Variants in SDK1 observed in about 807,000 individuals in gnomAD.
SDK1 encodes the protein sidekick cell adhesion molecule 1, also known as protein sidekick-1.
SDK1 carries 157 observed loss-of-function variants against 245.5 expected under a neutral mutation model. That is an observed-to-expected ratio of 0.64 (90% CI 0.56 to 0.73). The LOEUF is 0.73. Among genes scored for constraint, SDK1 ranks in the 30% least tolerant of loss-of-function variants. The pLI is 0.00. For missense variants in SDK1, 3,583 were observed against 3,002.3 expected, an observed-to-expected ratio of 1.19 and a Z score of -4.52; for synonymous variants, 1,647 against 1,278.5, an observed-to-expected ratio of 1.29 and a Z score of -6.15.
chr7:3,361,581 T>G (rs1780955389), intron 1 of SDK1, among the ~76,000 whole-genome samples: 1 of 152,184 alleles, frequency 6.6e-6, no homozygotes. Context: ...CCCTCCCTCG[T>G]TGGTTTATTT....
At chr7:3,790,459 A>C (rs2115022527) in intron 4 of SDK1, among the ~76,000 whole-genome samples, 1 of 152,264 alleles carries the variant, frequency 6.6e-6, no homozygotes, top group South Asian at 2.1e-4. Flanking sequence ...TTTGGAGCTG[A>C]GAAATCAGAA....
In SDK1 at chr7:4,077,804, A is replaced by T. The variant is rs10245923; in HGVS notation, c.3202+615A>T. 1.0e-3 allele frequency among the ~76,000 whole-genome samples: 152 copies of T among 152,272 alleles called. 2 individuals are homozygous for T. The highest frequency in any genetic ancestry group is 3.4e-3 in the African/African-American group (142 of 41,522). On this transcript the variant is annotated intron_variant, in intron 21 of 44. Coordinates refer to ENST00000404826, the MANE Select transcript of SDK1 (RefSeq NM_152744.4). ...CCCCATGATTCAGTTACCTCCCACC[A>T]GGTTCCTCTCATGACACATGGGAAA...
intron 1 of SDK1, among the ~76,000 whole-genome samples, chr7:3,347,565 T>G (rs1780542858): frequency 6.6e-6 from 1 of 152,182 alleles, no homozygotes; most frequent in Admixed American, 6.5e-5. Context: ...AACCTCCCTG[T>G]TTCATTTCTG....
chr7:3,745,258 C>G (rs1246545477), intron 4 of SDK1, among the ~76,000 whole-genome samples: 1 of 152,110 alleles, frequency 6.6e-6, no homozygotes, highest in African/African-American at 2.4e-5. Flanking sequence ...TATTTCAAAT[C>G]AAAATCATAA....
intron 4 of SDK1, among the ~76,000 whole-genome samples, chr7:3,713,465 G>A (rs781381833): frequency 1.4e-4 from 21 of 152,144 alleles, no homozygotes; most frequent in Non-Finnish European, 2.8e-4. Context: ...TGCTTCCCAC[G>A]GGAATGGCTT....
At chr7:3,557,827 A>G (rs1428039629) in intron 1 of SDK1, among the ~76,000 whole-genome samples, 1 of 152,166 alleles carries the variant, frequency 6.6e-6, no homozygotes, top group Non-Finnish European at 1.5e-5. Flanking sequence ...GACTCCAGAG[A>G]CCTTGTTCTC....
chr7:3,529,473 A>G (rs889347806), intron 1 of SDK1, among the ~76,000 whole-genome samples: 4 of 152,212 alleles, frequency 2.6e-5, no homozygotes, highest in Non-Finnish European at 5.9e-5. Flanking sequence ...CTCACTGGCC[A>G]AATTTTGGAC....
intron 1 of SDK1, among the ~76,000 whole-genome samples, chr7:3,482,244 A>G (rs1781543897): frequency 6.6e-6 from 1 of 152,206 alleles, no homozygotes; most frequent in African/African-American, 2.4e-5. Context: ...GTAAAAAACT[A>G]TTGAAAATGT....
chr7:4,205,243 G>C (rs1162258508), intron 35 of SDK1, among the ~76,000 whole-genome samples: 1 of 152,158 alleles, frequency 6.6e-6, no homozygotes, highest in Non-Finnish European at 1.5e-5. Flanking sequence ...CTGTGTATCT[G>C]GACGAACTTC....
intron 1 of SDK1, among the ~76,000 whole-genome samples, chr7:3,424,896 C>G (rs1023936845): frequency 1.3e-5 from 2 of 151,920 alleles, no homozygotes; most frequent in Admixed American, 6.6e-5. Flanking sequence ...GACCCTGTCT[C>G]AAAAAACAAA....
chr7:3,919,792 C>T (rs1327551175), intron 5 of SDK1, among the ~76,000 whole-genome samples: 2 of 152,134 alleles, frequency 1.3e-5, no homozygotes, highest in Non-Finnish European at 2.9e-5. Flanking sequence ...TGCTACATGT[C>T]AGAGGCTGCG....
chr7:4,082,837 T>C (rs1228676287), intron 22 of SDK1, among the ~76,000 whole-genome samples: 2 of 152,054 alleles, frequency 1.3e-5, no homozygotes, highest in African/African-American at 4.8e-5. Flanking sequence ...CCCAGGCTGG[T>C]CTCGAACTCC....
At chr7:3,801,692 G>A (rs557762033) in intron 4 of SDK1, among the ~76,000 whole-genome samples, 35 of 152,258 alleles carry the variant, frequency 2.3e-4, no homozygotes, top group Admixed American at 5.2e-4. Flanking sequence ...CTCCCAGCTT[G>A]CATCTCTGTC....
intron 1 of SDK1, among the ~76,000 whole-genome samples, chr7:3,432,228 A>G (rs973928622): frequency 5.3e-5 from 8 of 151,524 alleles, no homozygotes; most frequent in Non-Finnish European, 1.2e-4. Context: ...TAAGAATGAC[A>G]TTAGTGCCAA....
chr7:3,736,356 C>G (rs1037079816), intron 4 of SDK1, among the ~76,000 whole-genome samples: 1 of 152,130 alleles, frequency 6.6e-6, no homozygotes, highest in African/African-American at 2.4e-5. Flanking sequence ...TGCAGTGGCA[C>G]GTCTCGGCTC....
Position 3,833,775 on chromosome 7 carries a change from C to G in SDK1, c.847+12192C>G, listed in dbSNP as rs181631467. On this transcript the variant is annotated intron_variant, in intron 5 of 44. Transcript: ENST00000404826. ...AGGCAGTATTCTGAGTCTTTTGTTT[C>G]TTTGTTCATTTTACTTACAGTGTTT... Among the ~76,000 whole-genome samples, 139 of 152,280 alleles carry G rather than the reference C, an allele frequency of 9.1e-4. No individual in the cohort carries two copies. In the Middle Eastern group the frequency reaches 0.01, roughly 11 times the overall value.
intron 44 of SDK1, among the ~76,000 whole-genome samples, chr7:4,257,803 C>T (rs1371664300): frequency 6.6e-6 from 1 of 152,228 alleles, no homozygotes; most frequent in Non-Finnish European, 1.5e-5. Context: ...GCTTTCCTCC[C>T]CAGAACAAAG....
At chr7:4,229,629 A>G (rs1483235814) in intron 40 of SDK1, among the ~76,000 whole-genome samples, 1 of 152,162 alleles carries the variant, frequency 6.6e-6, no homozygotes, top group Non-Finnish European at 1.5e-5. Flanking sequence ...ATTAATGCAA[A>G]AGACATTCAG....
intron 1 of SDK1, among the ~76,000 whole-genome samples, chr7:3,500,689 T>A (rs934375014): frequency 6.6e-6 from 1 of 152,300 alleles, no homozygotes; most frequent in East Asian, 1.9e-4. Context: ...CAAATTTCTT[T>A]TATTTCTAAG....
Sources: gnomAD v4.1 joint callset for allele counts (sites outside exome capture counted in the v4.1 genomes callset) on GRCh38, gnomAD v4.1.1 for gene constraint, MANE v1.5 for transcripts, NCBI Gene and HGNC (gene_info 2026-07-23, HGNC 2026-07-21) for gene names.